Variants in TBC1D1 observed in about 807,000 individuals in gnomAD.
TBC1D1 encodes TBC1 domain family member 1, also known as TBC1 (tre-2/USP6, BUB2, cdc16) domain family, member 1.
In TBC1D1, 89 loss-of-function variants were observed where a neutral mutation model predicts 125.6. The observed-to-expected ratio is 0.71, with a 90% CI of 0.60 to 0.85. TBC1D1 has a LOEUF of 0.85. Ranked by LOEUF, TBC1D1 falls within the 40% of genes least tolerant of loss-of-function variation. TBC1D1 has a pLI of 0.00. For missense variants in TBC1D1, 1,377 were observed against 1,469.2 expected (o/e 0.94, Z 1.03); for synonymous variants, 565 against 564.1 (o/e 1.00, Z -0.02).
chr4:38,134,220 G>C (rs911662209), intron 19 of TBC1D1, among the ~76,000 whole-genome samples: 1 of 152,116 alleles, frequency 6.6e-6, no homozygotes, highest in Non-Finnish European at 1.5e-5. Flanking sequence ...GAGCTTTGCA[G>C]ACACAAGCTT....
At chr4:37,951,622 G>A (rs1347450346) in intron 2 of TBC1D1, among the ~76,000 whole-genome samples, 1 of 152,180 alleles carries the variant, frequency 6.6e-6, no homozygotes, top group Non-Finnish European at 1.5e-5. Flanking sequence ...GCAGGGGAAG[G>A]AACCTTGTGA....
intron 2 of TBC1D1, among the ~76,000 whole-genome samples, chr4:37,989,852 T>A (rs1736201887): frequency 1.3e-5 from 2 of 152,152 alleles, no homozygotes; most frequent in Non-Finnish European, 1.5e-5. Flanking sequence ...CAGTTTCTGG[T>A]TTTTTTCGTC....
At chr4:38,059,460 A>G (rs1578482386) in intron 12 of TBC1D1, among the ~76,000 whole-genome samples, 1 of 152,238 alleles carries the variant, frequency 6.6e-6, no homozygotes, top group South Asian at 2.1e-4. Flanking sequence ...TAGATCGTGA[A>G]ATAGAATCCT....
intron 14 of TBC1D1, among the ~76,000 whole-genome samples, chr4:38,101,275 G>A (rs1035349323): frequency 3.9e-5 from 6 of 152,064 alleles, no homozygotes; most frequent in Admixed American, 2.0e-4. Context: ...TTTTTTTCCC[G>A]GATGGAAAGA....
At chr4:37,960,480 AC>A (rs771615385) in intron 2 of TBC1D1, 225 of 1,613,876 alleles carry the variant, frequency 1.4e-4, no homozygotes, top group Non-Finnish European at 1.8e-4. Context: ...AGAACCAGGC[AC>A]CCGTGTGGCT....
At chr4:38,087,074 G>T (rs1161434263) in intron 12 of TBC1D1, among the ~76,000 whole-genome samples, 2 of 152,170 alleles carry the variant, frequency 1.3e-5, no homozygotes, top group African/African-American at 2.4e-5. Context: ...CTATGAGATT[G>T]TTGTAAGAAT....
intron 2 of TBC1D1, among the ~76,000 whole-genome samples, chr4:37,904,668 T>C (rs536511575): frequency 6.6e-6 from 1 of 152,322 alleles, no homozygotes; most frequent in East Asian, 1.9e-4. Context: ...TAAAAACCCA[T>C]GGTTGAAATA....
chr4:38,050,521 G>A (rs1368811801), intron 11 of TBC1D1, among the ~76,000 whole-genome samples: 1 of 152,240 alleles, frequency 6.6e-6, no homozygotes, highest in East Asian at 1.9e-4. Flanking sequence ...ATGGAGAAGA[G>A]TAATCAGAAG....
At chr4:38,122,212 C>T (rs1036947930) in intron 17 of TBC1D1, among the ~76,000 whole-genome samples, 2 of 152,176 alleles carry the variant, frequency 1.3e-5, no homozygotes, top group Non-Finnish European at 2.9e-5. Context: ...ACTAACTAGC[C>T]CTTGCAGGGG....
intron 2 of TBC1D1, among the ~76,000 whole-genome samples, chr4:37,960,041 A>G (rs1384520548): frequency 2.0e-5 from 3 of 152,270 alleles, no homozygotes; most frequent in African/African-American, 7.2e-5. Context: ...TAATGTATGC[A>G]AAAGTACATT....
At chr4:38,041,473 A>AAACATTTCAC (rs1403054246) in intron 8 of TBC1D1, among the ~76,000 whole-genome samples, 1 of 152,238 alleles carries the variant, frequency 6.6e-6, no homozygotes, top group Non-Finnish European at 1.5e-5. Flanking sequence ...TTCCCTTGCC[A>AAACATTTCAC]AACATTTCAC....
intron 6 of TBC1D1, among the ~76,000 whole-genome samples, chr4:38,025,695 C>T (rs1744943324): frequency 6.6e-6 from 1 of 152,086 alleles, no homozygotes; most frequent in Admixed American, 6.6e-5. Flanking sequence ...TCAGAGATGT[C>T]CTTCATATGT....
chr4:37,898,836 G>A (rs147205251), intron 1 of TBC1D1, among the ~76,000 whole-genome samples: 71 of 152,320 alleles, frequency 4.7e-4, no homozygotes, highest in Non-Finnish European at 9.3e-4. Context: ...ATATTCTGAG[G>A]AGAGAGGAAC....
chr4:37,960,412 G>T (rs761349695), intron 2 of TBC1D1: 2 of 1,591,230 alleles, frequency 1.3e-6, no homozygotes, highest in East Asian at 4.5e-5. Flanking sequence ...GAATGTGGCT[G>T]TTGAGAGCGG....
At chr4:38,080,858 A>G (rs2152524447) in intron 12 of TBC1D1, among the ~76,000 whole-genome samples, 1 of 152,332 alleles carries the variant, frequency 6.6e-6, no homozygotes, top group Non-Finnish European at 1.5e-5. Context: ...TCTGCGATGA[A>G]TTGAATGCAT....
Position 38,073,847 on chromosome 4 carries a change from A to G in TBC1D1, c.2051-16085A>G, listed in dbSNP as rs529707140. 7.4e-4 allele frequency among the ~76,000 whole-genome samples: 112 copies of G among 152,336 alleles called. No homozygotes were observed. In the Middle Eastern group the frequency reaches 0.014, roughly 19 times the overall value. On this transcript the variant is annotated intron_variant, in intron 12 of 19. Coordinates refer to ENST00000261439, the MANE Select transcript of TBC1D1 (RefSeq NM_015173.4). ...TGAAGGAAGGAAGAAGGGCTGAAGGAAGTAAAAAGAGCCTCCTCCATGAAT... is the reference window on the plus strand; with the variant it reads ...TGAAGGAAGGAAGAAGGGCTGAAGGGAGTAAAAAGAGCCTCCTCCATGAAT...
Position 38,021,656 on chromosome 4 carries a change from C to T in TBC1D1, c.1148C>T (p.Pro383Leu). The change falls in exon 6 of 20, where the codon CCA becomes CTA. Residue 383 changes from proline (P) to leucine (L), a missense_variant. By Grantham distance (98) the Pro-to-Leu change is moderately conservative. Transcript: ENST00000261439. ...GCAGTGCAGCAGACAGCTAAGGCGC[C>T]AGCCCAGCTGTGTGAGGGCTGCCCC... is the stretch of plus-strand genomic sequence containing the variant. 1 of 1,598,604 alleles carries T rather than the reference C, an allele frequency of 6.3e-7. No homozygotes were observed. Among genetic ancestry groups the T allele is most frequent in the Non-Finnish European group, 8.5e-7 (1 of 1,172,864 alleles).
chr4:37,975,782 A>T (rs1732952370), intron 2 of TBC1D1, among the ~76,000 whole-genome samples: 1 of 152,126 alleles, frequency 6.6e-6, no homozygotes, highest in African/African-American at 2.4e-5. Flanking sequence ...TTATTATAAT[A>T]TTGGAATAAA....
At position 38,096,068 on chromosome 4, in the gene TBC1D1, A is replaced by G. The variant is rs927309851; in HGVS notation, c.2376A>G (p.Lys792=). The change falls in exon 14 of 20, where the codon AAA becomes AAG. Residue 792 remains lysine, a synonymous_variant. Transcript: ENST00000261439. The stretch of plus-strand genomic sequence containing the variant: ...CAAAAATTAAGTTTGACATGGAAAA[A>G]ATGCACTCGGCTGTTGGGCAAGGTA... The G allele has an allele frequency of 1.9e-6, 3 of 1,613,446 alleles. No individual in the cohort carries two copies. The highest frequency in any genetic ancestry group is 2.2e-5 in the East Asian group (1 of 44,880).
Sources: gnomAD v4.1 joint callset for allele counts (sites outside exome capture counted in the v4.1 genomes callset) on GRCh38, gnomAD v4.1.1 for gene constraint, MANE v1.5 for transcripts, NCBI Gene and HGNC (gene_info 2026-07-23, HGNC 2026-07-21) for gene names.